SEMA6D: variants seen among roughly 807,000 people sequenced by gnomAD.
SEMA6D encodes semaphorin-6D.
SEMA6D carries 35 observed loss-of-function variants against 106.6 expected under a neutral mutation model. The observed-to-expected ratio is 0.33, with a 90% CI of 0.25 to 0.44. The LOEUF is 0.44. Among genes scored for constraint, SEMA6D ranks in the 20% least tolerant of loss-of-function variants. The pLI, the probability that SEMA6D is intolerant of heterozygous loss-of-function variation, is 1.00. For missense variants in SEMA6D, 1,185 were observed against 1,345.9 expected (o/e 0.88, Z 1.87); for synonymous variants, 499 against 487.7 (o/e 1.02, Z -0.31).
At chr15:47,293,583 G>A (rs1183521583) in intron 1 of SEMA6D, among the ~76,000 whole-genome samples, 1 of 152,148 alleles carries the variant, frequency 6.6e-6, no homozygotes, top group Non-Finnish European at 1.5e-5. Context: ...ATGTGTAAGG[G>A]CCTTTGCCAT....
At chr15:47,516,152 A>G (rs2044380703) in intron 3 of SEMA6D, among the ~76,000 whole-genome samples, 1 of 151,988 alleles carries the variant, frequency 6.6e-6, no homozygotes, top group Admixed American at 6.6e-5. Flanking sequence ...GTTTATAATG[A>G]CTCTGCACAT....
At chr15:47,667,023 C>T (rs560229873) in intron 4 of SEMA6D, among the ~76,000 whole-genome samples, 2 of 152,210 alleles carry the variant, frequency 1.3e-5, no homozygotes, top group East Asian at 3.9e-4. Context: ...ACCCATCCAG[C>T]ATATGAGTCC....
chr15:47,231,941 ACTGT>A (rs2032223969), intron 1 of SEMA6D, among the ~76,000 whole-genome samples: 1 of 152,130 alleles, frequency 6.6e-6, no homozygotes, highest in African/African-American at 2.4e-5. Flanking sequence ...AAACATCACC[ACTGT>A]CTAATTCCAG....
intron 1 of SEMA6D, chr15:47,412,362 T>G (rs955569759): frequency 6.6e-6 from 1 of 152,636 alleles, no homozygotes; most frequent in Non-Finnish European, 1.5e-5. Context: ...CAGGCTCTGT[T>G]TCATGAATGT....
Position 47,587,122 on chromosome 15 carries a change from T to G in SEMA6D, c.-86-13743T>G, listed in dbSNP as rs1460433287. ...GCCCAACCTGCTGGAGGAAGCCTCT[T>G]TCTGGGGCTGGAGGAGCTTTCCCAG... is the stretch of plus-strand genomic sequence containing the variant. On this transcript the variant is annotated intron_variant, in intron 3 of 19. Transcript: ENST00000558014. 3.9e-5 allele frequency among the ~76,000 whole-genome samples: 6 copies of G among 152,190 alleles called. No homozygotes were observed. In the East Asian group the frequency reaches 1.2e-3, roughly 30 times the overall value.
Position 47,459,964 on chromosome 15 carries a change from T to C in SEMA6D, c.-158-10510T>C, listed in dbSNP as rs867524101. ...AAAATCAATTCCACTAACTCCTCCATTGACCTTTTAAGCTCTTTAGATCCC... is the reference window on the plus strand; with the variant it reads ...AAAATCAATTCCACTAACTCCTCCACTGACCTTTTAAGCTCTTTAGATCCC... On this transcript the variant is annotated intron_variant, in intron 2 of 19. Transcript: ENST00000558014. Among the ~76,000 whole-genome samples, 12 of 152,188 alleles carry C rather than the reference T, an allele frequency of 7.9e-5. 1 individual carries two copies. In the South Asian group the frequency reaches 1.2e-3, roughly 16 times the overall value.
chr15:47,451,428 A>G (rs392572), intron 2 of SEMA6D, among the ~76,000 whole-genome samples: 120,506 of 151,896 alleles, frequency 0.79, 48,858 homozygotes, highest in East Asian at 0.97. Flanking sequence ...GATCCAGATC[A>G]ATCACAGCTT....
At chr15:47,449,703 T>C (rs1441860441) in intron 2 of SEMA6D, among the ~76,000 whole-genome samples, 2 of 152,112 alleles carry the variant, frequency 1.3e-5, no homozygotes, top group Admixed American at 6.6e-5. Context: ...TTACTGACAG[T>C]GTCTCATTAC....
At chr15:47,593,233 T>G (rs2143019865) in intron 3 of SEMA6D, among the ~76,000 whole-genome samples, 1 of 151,866 alleles carries the variant, frequency 6.6e-6, no homozygotes, top group Non-Finnish European at 1.5e-5. Flanking sequence ...TAAAACCCTG[T>G]CTCTACTAAA....
At chr15:47,733,330 A>T (rs2080251641) in intron 1 of SEMA6D, among the ~76,000 whole-genome samples, 1 of 152,232 alleles carries the variant, frequency 6.6e-6, no homozygotes, top group Non-Finnish European at 1.5e-5. Flanking sequence ...GTCCTAAGAC[A>T]TCATAAAACA....
At chr15:47,588,664 T>C (rs947430559) in intron 3 of SEMA6D, among the ~76,000 whole-genome samples, 2 of 152,188 alleles carry the variant, frequency 1.3e-5, no homozygotes, top group African/African-American at 2.4e-5. Context: ...TGAGTCTCCA[T>C]TGTGGCTCCG....
intron 3 of SEMA6D, among the ~76,000 whole-genome samples, chr15:47,476,659 AAT>A (rs367976823): frequency 7.9e-5 from 12 of 152,256 alleles, no homozygotes; most frequent in African/African-American, 2.9e-4. Flanking sequence ...GGGGAGCATG[AAT>A]ATATAAAGCA....
intron 1 of SEMA6D, among the ~76,000 whole-genome samples, chr15:47,305,004 AGT>A (rs953533387): frequency 7.2e-5 from 11 of 152,324 alleles, no homozygotes; most frequent in African/African-American, 2.6e-4. Flanking sequence ...GTATATGCTG[AGT>A]GTTGTTATAT....
chr15:47,544,300 A>G (rs1164964938), intron 3 of SEMA6D, among the ~76,000 whole-genome samples: 1 of 152,136 alleles, frequency 6.6e-6, no homozygotes, highest in Non-Finnish European at 1.5e-5. Flanking sequence ...TTTTGATGAC[A>G]ACATCAGCAT....
intron 1 of SEMA6D, among the ~76,000 whole-genome samples, chr15:47,278,214 T>C (rs1254414344): frequency 1.3e-5 from 2 of 152,220 alleles, no homozygotes; most frequent in Admixed American, 1.3e-4. Flanking sequence ...GTTGAACTAG[T>C]TTACAGTCCC....
chr15:47,236,971 C>T (rs1254561550), intron 1 of SEMA6D, among the ~76,000 whole-genome samples: 1 of 152,144 alleles, frequency 6.6e-6, no homozygotes, highest in African/African-American at 2.4e-5. Context: ...AATGACATTA[C>T]ATCCTCCTGC....
intron 1 of SEMA6D, among the ~76,000 whole-genome samples, chr15:47,364,130 TAA>T (rs1165301998): frequency 1.3e-5 from 2 of 152,152 alleles, no homozygotes; most frequent in African/African-American, 2.4e-5. Context: ...ACTTTTGGGT[TAA>T]GAGTCAGGTT....
intron 1 of SEMA6D, among the ~76,000 whole-genome samples, chr15:47,751,507 T>C (rs1338731394): frequency 6.6e-6 from 1 of 152,172 alleles, no homozygotes; most frequent in Non-Finnish European, 1.5e-5. Context: ...TGAAATGTCA[T>C]AGACTACAGA....
intron 4 of SEMA6D, among the ~76,000 whole-genome samples, chr15:47,616,998 C>G (rs1457275178): frequency 3.3e-5 from 5 of 152,176 alleles, no homozygotes; most frequent in African/African-American, 7.2e-5. Context: ...CACGTGTTAG[C>G]CCAGGGCCAA....
Sources: gnomAD v4.1 joint callset for allele counts (sites outside exome capture counted in the v4.1 genomes callset) on GRCh38, gnomAD v4.1.1 for gene constraint, MANE v1.5 for transcripts, NCBI Gene and HGNC (gene_info 2026-07-23, HGNC 2026-07-21) for gene names.